The following GPC3 variants were observed in gnomAD, a reference collection of about 807,000 sequenced individuals.
GPC3 encodes the protein glypican-3.
In GPC3, 3 loss-of-function variants were observed where a neutral mutation model predicts 34.4. That is an observed-to-expected ratio of 0.09 (90% CI 0.04 to 0.23). GPC3 has a LOEUF of 0.23. Among genes scored for constraint, GPC3 ranks in the 10% least tolerant of loss-of-function variants. The pLI, the probability that GPC3 is intolerant of heterozygous loss-of-function variation, is 1.00. For missense variants in GPC3, 351 were observed against 445.6 expected, an observed-to-expected ratio of 0.79 and a Z score of 1.91; for synonymous variants, 177 against 174.0, an observed-to-expected ratio of 1.02 and a Z score of -0.13.
At chrX:133,595,840 G>C (rs955138146) in intron 7 of GPC3, among the ~76,000 whole-genome samples, 1 of 111,617 alleles carries the variant, frequency 9.0e-6, no homozygotes, top group Non-Finnish European at 1.9e-5. Flanking sequence ...TAGGTCTTCA[G>C]TCATATGCCA....
chrX:133,645,194 A>G (rs770460853), intron 6 of GPC3, among the ~76,000 whole-genome samples: 1 of 111,711 alleles, frequency 9.0e-6, no homozygotes, highest in Non-Finnish European at 1.9e-5. Context: ...ACTCTCTGAG[A>G]TCTTGCCATC....
At position 133,897,205 on chromosome X, in the gene GPC3, C is replaced by CTTTTT. The variant is rs760491025; in HGVS notation, c.337+55840_337+55844dup. Among the ~76,000 whole-genome samples the CTTTTT allele has an allele frequency of 3.3e-4, 27 of 82,646 alleles. No individual in the cohort carries two copies. In the East Asian group the frequency reaches 6.4e-3, roughly 20 times the overall value. 71.8% of individuals were successfully genotyped at this position (82,646 alleles called of 115,157 possible). A position where few individuals can be genotyped will look rare whatever the true frequency, so the allele number is the denominator to read the frequency against. On this transcript the variant is annotated intron_variant, in intron 2 of 7. Transcript: ENST00000370818. ...ACAGGCGTGAGCTACCGTGCCCGGC[C>CTTTTT]TTTTTTTTTTTTTTTTTTTTTTTAA...
At chrX:133,752,648 A>G (rs2071677404) in intron 3 of GPC3, among the ~76,000 whole-genome samples, 1 of 111,937 alleles carries the variant, frequency 8.9e-6, no homozygotes, top group South Asian at 3.8e-4. Context: ...TTCCGTTACT[A>G]ACAATATCTG....
chrX:133,802,596 G>A lies in GPC3; in HGVS notation c.338-48420C>T, dbSNP rs1008402629. Among the ~76,000 whole-genome samples the A allele has an allele frequency of 3.6e-5, 4 of 112,176 alleles. No individual in the cohort carries two copies. In the South Asian group the frequency reaches 1.1e-3, roughly 31 times the overall value. Reference sequence around the variant, plus strand: ...TTCCACAGGAAGGCTGAATGTCAACGACCCTTGTCCTACCCTCCGTATCTC... The same window carrying A: ...TTCCACAGGAAGGCTGAATGTCAACAACCCTTGTCCTACCCTCCGTATCTC... On this transcript the variant is annotated intron_variant, in intron 2 of 7. Coordinates refer to ENST00000370818, the MANE Select transcript of GPC3 (RefSeq NM_004484.4).
chrX:133,800,498 T>C (rs994652513), intron 2 of GPC3, among the ~76,000 whole-genome samples: 1 of 112,018 alleles, frequency 8.9e-6, no homozygotes, highest in African/African-American at 3.2e-5. Flanking sequence ...CTCTGAAATA[T>C]GGTTATTATG....
intron 2 of GPC3, among the ~76,000 whole-genome samples, chrX:133,928,786 GT>G (rs2076285803): frequency 8.9e-6 from 1 of 111,809 alleles, no homozygotes; most frequent in African/African-American, 3.3e-5. Context: ...CAAGTTATAT[GT>G]TTTCTTCCTA....
chrX:133,681,969 G>A (rs972310504), intron 5 of GPC3, among the ~76,000 whole-genome samples: 1 of 112,255 alleles, frequency 8.9e-6, no homozygotes, highest in South Asian at 3.7e-4. Flanking sequence ...GTTTCAATCA[G>A]TATTCAACTT....
At chrX:133,699,110 C>T (rs867726235) in intron 4 of GPC3, among the ~76,000 whole-genome samples, 14 of 111,610 alleles carry the variant, frequency 1.3e-4, no homozygotes, top group South Asian at 1.1e-3. Context: ...ATCTAGGCCA[C>T]GTGTGGTGGC....
At chrX:133,678,430 C>T (rs1457556201) in intron 5 of GPC3, among the ~76,000 whole-genome samples, 1 of 111,395 alleles carries the variant, frequency 9.0e-6, no homozygotes, top group Admixed American at 9.5e-5. Context: ...CCCAGCTCTC[C>T]TCCACCCCTT....
At chrX:133,824,684 G>A (rs976356822) in intron 2 of GPC3, among the ~76,000 whole-genome samples, 8 of 110,504 alleles carry the variant, frequency 7.2e-5, no homozygotes, top group South Asian at 3.8e-4. Context: ...TATCTCTAGC[G>A]AAATATTAAA....
chrX:133,958,386 T>A (rs1438185293), intron 1 of GPC3, among the ~76,000 whole-genome samples: 1 of 107,406 alleles, frequency 9.3e-6, no homozygotes, highest in East Asian at 2.9e-4. Flanking sequence ...ATAAAAAAAT[T>A]TTTTTTTAAT....
chrX:133,604,759 C>A (rs1159647079), intron 6 of GPC3, among the ~76,000 whole-genome samples: 1 of 111,738 alleles, frequency 8.9e-6, no homozygotes, highest in Non-Finnish European at 1.9e-5. Context: ...TATCTGGAAT[C>A]CAGGTTACAT....
chrX:133,762,770 T>C, intron 2 of GPC3: 1 of 451,322 alleles, frequency 2.2e-6, no homozygotes, highest in Non-Finnish European at 4.0e-6. Flanking sequence ...GGGATTCCTG[T>C]CCTAACTCAG....
At position 133,835,533 on chromosome X, in the gene GPC3, A is replaced by G. The variant is rs763753903; in HGVS notation, c.338-81357T>C. Among the ~76,000 whole-genome samples, 6 of 112,056 alleles carry G rather than the reference A, an allele frequency of 5.4e-5. No homozygotes were observed. In the East Asian group the frequency reaches 1.7e-3, roughly 31 times the overall value. ...ATAAAAACTATCTTCTCTCTTGTCT[A>G]CCACTGACCTGGAGAGGGATGACTT... On this transcript the variant is annotated intron_variant, in intron 2 of 7. Coordinates refer to ENST00000370818, the MANE Select transcript of GPC3 (RefSeq NM_004484.4).
At chrX:133,560,504 C>T (rs991356371) in intron 7 of GPC3, among the ~76,000 whole-genome samples, 3 of 112,126 alleles carry the variant, frequency 2.7e-5, no homozygotes, top group Non-Finnish European at 5.6e-5. Context: ...TTTGGGAGGC[C>T]GAGGTGGGTG....
chrX:133,974,194 T>C (rs2076505278), intron 1 of GPC3, among the ~76,000 whole-genome samples: 1 of 111,332 alleles, frequency 9.0e-6, no homozygotes. Flanking sequence ...AAACTGCAGG[T>C]ACATGCCACT....
intron 1 of GPC3, among the ~76,000 whole-genome samples, chrX:133,966,186 C>G (rs149650316): frequency 0.015 from 1,702 of 112,354 alleles, 33 homozygotes; most frequent in African/African-American, 0.052. Flanking sequence ...AAGCCTCATT[C>G]TCACTGCTCA....
intron 2 of GPC3, among the ~76,000 whole-genome samples, chrX:133,798,234 GT>G (rs1316576626): frequency 8.9e-6 from 1 of 111,944 alleles, no homozygotes; most frequent in African/African-American, 3.3e-5. Context: ...CAGGCAGATG[GT>G]GTGATGATGG....
At chrX:133,590,760 C>A (rs946374257) in intron 7 of GPC3, among the ~76,000 whole-genome samples, 6 of 111,583 alleles carry the variant, frequency 5.4e-5, no homozygotes, top group African/African-American at 2.0e-4. Flanking sequence ...AAAATGAGAT[C>A]TTTTCTATAT....
Sources: gnomAD v4.1 joint callset for allele counts (sites outside exome capture counted in the v4.1 genomes callset) on GRCh38, gnomAD v4.1.1 for gene constraint, MANE v1.5 for transcripts, NCBI Gene and HGNC (gene_info 2026-07-23, HGNC 2026-07-21) for gene names.